The following ADGRL3 variants were observed in gnomAD, a reference collection of about 807,000 sequenced individuals.
ADGRL3 encodes calcium-independent alpha-latrotoxin receptor 3.
A neutral mutation model predicts 153.5 loss-of-function variants in ADGRL3; 62 were observed. The ratio of observed to expected loss-of-function variants is 0.40; its 90% CI spans 0.33 to 0.50. The LOEUF (loss-of-function observed/expected upper bound fraction) is 0.50. Ranked by LOEUF, ADGRL3 falls within the 20% of genes least tolerant of loss-of-function variation. The pLI, the probability that ADGRL3 is intolerant of heterozygous loss-of-function variation, is 0.47. For missense variants in ADGRL3, 1,641 were observed against 1,859.4 expected, an observed-to-expected ratio of 0.88 and a Z score of 2.16; for synonymous variants, 710 against 672.5, an observed-to-expected ratio of 1.06 and a Z score of -0.86.
chr4:61,436,007 A>G (rs2097441413), intron 2 of ADGRL3, among the ~76,000 whole-genome samples: 1 of 152,180 alleles, frequency 6.6e-6, no homozygotes, highest in African/African-American at 2.4e-5. Flanking sequence ...AATATTTCCA[A>G]GTATAATGGG....
At chr4:61,426,751 C>T (rs2097287321) in intron 2 of ADGRL3, 1 of 152,300 alleles carries the variant, frequency 6.6e-6, no homozygotes, top group African/African-American at 2.4e-5. Context: ...GCTGGAGCAT[C>T]CTGGTGGAAC....
intron 5 of ADGRL3, among the ~76,000 whole-genome samples, chr4:61,594,584 C>T (rs2098981609): frequency 1.3e-5 from 2 of 152,120 alleles, no homozygotes; most frequent in African/African-American, 4.8e-5. Flanking sequence ...CAGGCAGAGA[C>T]TTGTTTTTTC....
At chr4:61,771,294 G>A (rs958382865) in intron 8 of ADGRL3, among the ~76,000 whole-genome samples, 1 of 152,218 alleles carries the variant, frequency 6.6e-6, no homozygotes, top group Admixed American at 6.5e-5. Context: ...TGGGTTGGAA[G>A]TTCTCCAGGG....
intron 8 of ADGRL3, among the ~76,000 whole-genome samples, chr4:61,747,724 A>C (rs1228306514): frequency 4.5e-4 from 67 of 148,840 alleles, no homozygotes; most frequent in Admixed American, 8.8e-4. Context: ...AATAAGAGCT[A>C]TCTATGACAA....
chr4:62,063,879 G>A (rs941442371), intron 25 of ADGRL3, among the ~76,000 whole-genome samples: 2 of 151,576 alleles, frequency 1.3e-5, no homozygotes, highest in Admixed American at 6.6e-5. Context: ...TCTCCATAAC[G>A]TTATAAAATG....
At chr4:61,207,460 T>C (rs1737854125) in intron 1 of ADGRL3, among the ~76,000 whole-genome samples, 6 of 152,232 alleles carry the variant, frequency 3.9e-5, no homozygotes, top group Admixed American at 3.9e-4. Context: ...GATTGGCATT[T>C]GGGTTGGTTC....
In ADGRL3 at chr4:61,852,713, A is replaced by G. The variant is rs561361553; in HGVS notation, c.1480+38824A>G. 5.3e-5 allele frequency among the ~76,000 whole-genome samples: 8 copies of G among 152,330 alleles called. No individual in the cohort carries two copies. The East Asian group carries it at 1.3e-3, about 26-fold the overall frequency. ...TAGTACATTTAGTTAGAATGTGTAA[A>G]ATTAAATATGAAAAAGTCTTTATGA... is the stretch of plus-strand genomic sequence containing the variant. On this transcript the variant is annotated intron_variant, in intron 9 of 26. Coordinates refer to ENST00000683033, the MANE Select transcript of ADGRL3 (RefSeq NM_001387552.1).
chr4:61,374,055 C>A (rs555188635), intron 1 of ADGRL3, among the ~76,000 whole-genome samples: 2 of 152,174 alleles, frequency 1.3e-5, no homozygotes, highest in East Asian at 3.9e-4. Flanking sequence ...GCCAGTATTA[C>A]CTAACCTTAT....
chr4:61,469,640 T>C (rs1057450136), intron 2 of ADGRL3, among the ~76,000 whole-genome samples: 3 of 152,060 alleles, frequency 2.0e-5, no homozygotes, highest in Admixed American at 1.3e-4. Context: ...TTGTAAAATA[T>C]TAGGATAGAT....
At chr4:61,877,579 T>C (rs1468083064) in intron 9 of ADGRL3, among the ~76,000 whole-genome samples, 1 of 152,178 alleles carries the variant, frequency 6.6e-6, no homozygotes, top group Non-Finnish European at 1.5e-5. Context: ...TTGCTAAGGC[T>C]GCCATAACAA....
intron 2 of ADGRL3, among the ~76,000 whole-genome samples, chr4:61,423,858 A>G (rs147540156): frequency 1.3e-5 from 2 of 152,330 alleles, no homozygotes; most frequent in East Asian, 3.9e-4. Context: ...GCCATAAGCC[A>G]TGGAAGGAGC....
Position 61,852,652 on chromosome 4 carries a change from G to A in ADGRL3, c.1480+38763G>A, listed in dbSNP as rs572726656. 3.3e-5 allele frequency among the ~76,000 whole-genome samples: 5 copies of A among 152,160 alleles called. No individual in the cohort carries two copies. The East Asian group carries it at 9.7e-4, about 29-fold the overall frequency. Reference sequence around the variant, plus strand: ...TAGTACAACAAAAAAATTTGTTTTGGAGTGTGAATACCCCAGTTAGTTTAT... The same window carrying A: ...TAGTACAACAAAAAAATTTGTTTTGAAGTGTGAATACCCCAGTTAGTTTAT... On this transcript the variant is annotated intron_variant, in intron 9 of 26. Coordinates refer to ENST00000683033, the MANE Select transcript of ADGRL3 (RefSeq NM_001387552.1).
intron 21 of ADGRL3, among the ~76,000 whole-genome samples, chr4:62,025,162 A>T (rs1717748350): frequency 6.6e-6 from 1 of 152,074 alleles, no homozygotes; most frequent in Non-Finnish European, 1.5e-5. Flanking sequence ...TTTTCTGCTC[A>T]CTAATCTAGC....
chr4:61,859,916 C>T (rs1465246550), intron 9 of ADGRL3, among the ~76,000 whole-genome samples: 1 of 152,052 alleles, frequency 6.6e-6, no homozygotes, highest in Non-Finnish European at 1.5e-5. Flanking sequence ...TTTTCCAGTG[C>T]TTGTCTGAGT....
chr4:61,397,014 T>C (rs1346796032), intron 2 of ADGRL3, among the ~76,000 whole-genome samples: 1 of 151,288 alleles, frequency 6.6e-6, no homozygotes, highest in African/African-American at 2.4e-5. Flanking sequence ...TAAAGGTTTA[T>C]ATTTTATTAG....
chr4:61,759,048 A>T (rs916340148), intron 8 of ADGRL3, among the ~76,000 whole-genome samples: 1 of 152,208 alleles, frequency 6.6e-6, no homozygotes, highest in South Asian at 2.1e-4. Context: ...CCGAGAGATC[A>T]GCTGTTAGTC....
At chr4:61,519,376 G>A (rs1011801342) in intron 4 of ADGRL3, among the ~76,000 whole-genome samples, 5 of 152,012 alleles carry the variant, frequency 3.3e-5, no homozygotes, top group African/African-American at 7.2e-5. Flanking sequence ...GTTTTGGACA[G>A]AGATGAAAAC....
intron 21 of ADGRL3, among the ~76,000 whole-genome samples, chr4:62,006,032 A>ATATATATATTT (rs1203029363): frequency 5.5e-5 from 4 of 73,082 alleles, no homozygotes; most frequent in African/African-American, 9.9e-5. Flanking sequence ...ATATATATAT[A>ATATATATATTT]TTTTTTTTTT....
intron 1 of ADGRL3, among the ~76,000 whole-genome samples, chr4:61,313,310 G>T (rs904392054): frequency 6.6e-6 from 1 of 152,270 alleles, no homozygotes; most frequent in African/African-American, 2.4e-5. Context: ...CACTGCAATG[G>T]CTGATACATG....
Sources: allele counts gnomAD v4.1 joint callset (sites outside exome capture counted in the v4.1 genomes callset), GRCh38; gene constraint gnomAD v4.1.1; transcripts MANE v1.5; gene names NCBI Gene and HGNC (gene_info 2026-07-23, HGNC 2026-07-21).